FIG4: variants seen among roughly 807,000 people sequenced by gnomAD.
FIG4 encodes the protein FIG4 phosphoinositide 5-phosphatase.
FIG4 carries 112 observed loss-of-function variants against 118.6 expected under a neutral mutation model. The ratio of observed to expected loss-of-function variants is 0.94; its 90% CI spans 0.81 to 1.11. FIG4 has a LOEUF of 1.11. FIG4 is among the 50% of genes least tolerant of loss of function. FIG4 has a pLI of 0.00. For synonymous variants in FIG4, 369 were observed against 381.2 expected, an observed-to-expected ratio of 0.97 and a Z score of 0.37; for missense variants, 969 against 1,111.7, an observed-to-expected ratio of 0.87 and a Z score of 1.83.
chr6:109,736,001 A>G (rs1776149188), intron 6 of FIG4, among the ~76,000 whole-genome samples: 1 of 151,968 alleles, frequency 6.6e-6, no homozygotes, highest in Non-Finnish European at 1.5e-5. Flanking sequence ...CAGTCACGCA[A>G]TACCTTTATC....
At chr6:109,796,242 G>A (rs1778283548) in intron 21 of FIG4, among the ~76,000 whole-genome samples, 1 of 152,184 alleles carries the variant, frequency 6.6e-6, no homozygotes, top group African/African-American at 2.4e-5. Flanking sequence ...ACTTGGTGGG[G>A]GGATTCTTGT....
chr6:109,779,680 G>C (rs1342980234), intron 16 of FIG4, among the ~76,000 whole-genome samples: 1 of 152,124 alleles, frequency 6.6e-6, no homozygotes, highest in Admixed American at 6.5e-5. Context: ...AATACTGTAA[G>C]ATAAATTTCA....
At chr6:109,775,705 C>A (rs1454717721) in intron 15 of FIG4, among the ~76,000 whole-genome samples, 1 of 151,840 alleles carries the variant, frequency 6.6e-6, no homozygotes, top group Non-Finnish European at 1.5e-5. Flanking sequence ...CAAAGAAAGT[C>A]CCCAAATGTG....
intron 15 of FIG4, among the ~76,000 whole-genome samples, chr6:109,771,554 C>T (rs1421696452): frequency 5.4e-5 from 8 of 149,024 alleles, no homozygotes; most frequent in African/African-American, 2.0e-4. Flanking sequence ...CTGCAAGCTC[C>T]GCCTCCTGGG....
chr6:109,692,752 A>C (rs901693231), intron 1 of FIG4, among the ~76,000 whole-genome samples: 1 of 151,426 alleles, frequency 6.6e-6, no homozygotes, highest in Admixed American at 6.6e-5. Context: ...GCCGGAGTGC[A>C]GTGGTGCTAT....
intron 18 of FIG4, among the ~76,000 whole-genome samples, chr6:109,787,140 C>T (rs1777989496): frequency 6.6e-6 from 1 of 152,166 alleles, no homozygotes; most frequent in South Asian, 2.1e-4. Context: ...CCTAGTCTCT[C>T]ACCTTCAGAC....
chr6:109,715,013 G>A (rs974123891), intron 1 of FIG4, 65 bp from the exon 2 acceptor site: 7 of 825,784 alleles, frequency 8.5e-6, no homozygotes, highest in Non-Finnish European at 1.4e-5. Context: ...AAAAACTAAA[G>A]TGGTATAAAA....
At chr6:109,823,856 C>T (rs181906380) in intron 22 of FIG4, among the ~76,000 whole-genome samples, 52 of 152,336 alleles carry the variant, frequency 3.4e-4, no homozygotes, top group Non-Finnish European at 2.5e-4. Context: ...GCCAACCACC[C>T]GCATTCTCAC....
chr6:109,705,352 G>A (rs1323870900), intron 1 of FIG4, among the ~76,000 whole-genome samples: 1 of 152,188 alleles, frequency 6.6e-6, no homozygotes, highest in African/African-American at 2.4e-5. Flanking sequence ...GGGCAGTGCA[G>A]GCAGTGATTC....
intron 22 of FIG4, among the ~76,000 whole-genome samples, chr6:109,818,747 G>T (rs1778928762): frequency 6.6e-6 from 1 of 152,170 alleles, no homozygotes; most frequent in South Asian, 2.1e-4. Flanking sequence ...CCCAACTCAA[G>T]AGCACATCAC....
chr6:109,753,799 G>A (rs1157271618), intron 10 of FIG4, among the ~76,000 whole-genome samples: 1 of 152,128 alleles, frequency 6.6e-6, no homozygotes, highest in Non-Finnish European at 1.5e-5. Context: ...TGTATCCTGA[G>A]ACTTTGCTGA....
intron 22 of FIG4, among the ~76,000 whole-genome samples, chr6:109,820,042 A>G (rs777787049): frequency 6.6e-6 from 1 of 152,178 alleles, no homozygotes; most frequent in Non-Finnish European, 1.5e-5. Context: ...GCACAAGGCT[A>G]TGGGAACAGA....
At chr6:109,707,137 A>G (rs1005666953) in intron 1 of FIG4, among the ~76,000 whole-genome samples, 3 of 151,786 alleles carry the variant, frequency 2.0e-5, no homozygotes, top group Admixed American at 1.3e-4. Context: ...TCTAGACTGT[A>G]CCTCTCCTAG....
At chr6:109,822,278 TTC>T (rs1193788609) in intron 22 of FIG4, among the ~76,000 whole-genome samples, 2 of 152,264 alleles carry the variant, frequency 1.3e-5, no homozygotes, top group African/African-American at 4.8e-5. Flanking sequence ...TTGTCAGAAT[TTC>T]TGTTTGTTTA....
At chr6:109,727,761 A>G (rs948617199) in intron 4 of FIG4, among the ~76,000 whole-genome samples, 1 of 152,200 alleles carries the variant, frequency 6.6e-6, no homozygotes, top group Non-Finnish European at 1.5e-5. Context: ...GACACAGTTT[A>G]CCTTAGTAGT....
chr6:109,709,911 A>G (rs549430415), intron 1 of FIG4, among the ~76,000 whole-genome samples: 3 of 152,266 alleles, frequency 2.0e-5, no homozygotes, highest in East Asian at 3.9e-4. Context: ...GCAAAAAGGG[A>G]TAGTTTGACT....
chr6:109,742,433 T>A (rs1381346512), intron 8 of FIG4, among the ~76,000 whole-genome samples: 2 of 152,032 alleles, frequency 1.3e-5, no homozygotes, highest in Non-Finnish European at 2.9e-5. Context: ...GAGTTTTGAG[T>A]GGATGTGTGA....
At chr6:109,777,138 A>C in intron 16 of FIG4, 78 bp downstream of exon 16, 1 of 1,363,172 alleles carries the variant, frequency 7.3e-7, no homozygotes, top group Non-Finnish European at 1.0e-6. Context: ...ATTTTGAGAA[A>C]TCATAGGCTA....
chr6:109,812,325 C>T (rs1047293111), intron 22 of FIG4, among the ~76,000 whole-genome samples: 1 of 152,112 alleles, frequency 6.6e-6, no homozygotes, highest in Non-Finnish European at 1.5e-5. Flanking sequence ...GGCACAGAGG[C>T]ATGTGCTGTG....
Sources: gnomAD v4.1 joint callset for allele counts (sites outside exome capture counted in the v4.1 genomes callset) on GRCh38, gnomAD v4.1.1 for gene constraint, MANE v1.5 for transcripts, NCBI Gene and HGNC (gene_info 2026-07-23, HGNC 2026-07-21) for gene names.